Variants in TTN observed in about 807,000 individuals in gnomAD.
TTN encodes the protein titin.
A neutral mutation model predicts 3,223.0 loss-of-function variants in TTN; 1,525 were observed. That is an observed-to-expected ratio of 0.47 (90% confidence interval 0.45 to 0.49). The LOEUF (loss-of-function observed/expected upper bound fraction) is 0.49, where lower values mean the gene tolerates loss of function less well. Ranked by LOEUF, TTN falls within the 20% of genes least tolerant of loss-of-function variation. The probability of loss-of-function intolerance (pLI) is 0.00; values close to 1 mark genes in which losing one functional copy is unlikely to be tolerated. For missense variants in TTN, 40,786 were observed against 43,424.0 expected (o/e 0.94, Z 5.40); for synonymous variants, 14,094 against 15,161.0 (o/e 0.93, Z 5.17).
At chr2:178,670,162 T>C (rs1173486156) in intron 157 of TTN, 56 bp downstream of exon 157, 4 of 1,166,270 alleles carry the variant, frequency 3.4e-6, no homozygotes, top group South Asian at 2.2e-5. Context: ...CTCTCTTACA[T>C]AGTAAGTGAA....
intron 47 of TTN, chr2:178,751,541 A>C (rs2085508211): frequency 6.2e-7 from 1 of 1,613,374 alleles, no homozygotes; most frequent in Non-Finnish European, 8.5e-7. Context: ...TAAAGCCTCC[A>C]CATTTTCATG....
At chr2:178,783,524 C>T (rs1419989022) in intron 17 of TTN, among the ~76,000 whole-genome samples, 196 bp downstream of exon 17, 1 of 151,986 alleles carries the variant, frequency 6.6e-6, no homozygotes. Context: ...AATGATGTAC[C>T]ACATAGAATT....
At position 178,553,887 on chromosome 2, in the gene TTN, GA is replaced by G. The variant is rs754179105; in HGVS notation, c.89197+26del. 14 of 1,568,124 alleles carry G rather than the reference GA, an allele frequency of 8.9e-6. No homozygotes were observed. In the African/African-American group the frequency reaches 1.6e-4, roughly 18 times the overall value. On this transcript the variant is annotated intron_variant, in intron 333 of 362. Transcript: ENST00000589042. The stretch of plus-strand genomic sequence containing the variant: ...ACAGGTGAATATAGAAGACACAGGT[GA>G]AGATGCTGCAGGTATGAGCACTTAC...
Position 178,590,504 on chromosome 2 carries a change from T to C in TTN, c.61221A>G (p.Val20407=), listed in dbSNP as rs1408569277. The C allele has an allele frequency of 1.9e-6, 3 of 1,612,990 alleles. No individual in the cohort carries two copies. Among genetic ancestry groups the C allele is most frequent in the African/African-American group, 2.7e-5 (2 of 74,864 alleles). Residue 20407 remains valine (V), a synonymous_variant, in exon 304 of 363, where the codon GTA becomes GTG. Transcript: ENST00000589042. ...CTGTGCCAGGTTTCTGACATTCCAC[T>C]ACATATCCTAGAATGGGGCTACCAC... ...SDGGSPILGY[V]VECQKPGTAQ...
chr2:178,569,846 G>C lies in TTN; in HGVS notation c.76286C>G (p.Pro25429Arg). 6.2e-7 allele frequency: 1 copy of C among 1,613,354 alleles called. No individual in the cohort carries two copies. Among genetic ancestry groups the C allele is most frequent in the Non-Finnish European group, 8.5e-7 (1 of 1,179,596 alleles). ...AATTTCACAGCCACCATCATATATTGGTTTGCTCCAAGAAAGGAATACTGA... is the reference window on the plus strand; with the variant it reads ...AATTTCACAGCCACCATCATATATTCGTTTGCTCCAAGAAAGGAATACTGA... ...RSSVFLSWSK[P>R]IYDGGCEIQG... Residue 25429 changes from proline (P) to arginine (R), a missense_variant, in exon 326 of 363, where the codon CCA (proline) becomes CGA (arginine). Coordinates refer to ENST00000589042, the MANE Select transcript of TTN (RefSeq NM_001267550.2).
In TTN at chr2:178,756,809, A is replaced by C. The variant is rs761897237; in HGVS notation, c.10679-12T>G. The C allele has an allele frequency of 5.0e-6, 8 of 1,605,708 alleles. No individual in the cohort carries two copies. In the South Asian group the frequency reaches 9.0e-5, roughly 18 times the overall value. The stretch of plus-strand genomic sequence containing the variant: ...ATCTAGGGCTTGCACTGTATAATCA[A>C]GTGACAAGAAAAAGAAAAGAATATT... On this transcript the variant is annotated splice_polypyrimidine_tract_variant and intron_variant, in intron 45 of 362. Coordinates refer to ENST00000589042, the MANE Select transcript of TTN (RefSeq NM_001267550.2).
rs1707146929 is a variant in TTN, at chr2:178,569,073, C to T, written c.77059G>A (p.Ala25687Thr). 6.2e-7 allele frequency: 1 copy of T among 1,613,196 alleles called. No homozygotes were observed. The highest frequency in any genetic ancestry group is 1.1e-5 in the South Asian group (1 of 91,050). ...AENEYGIGLP[A>T]QTADPIKVAE... ...ACCTTAATTGGATCAGCAGTCTGGG[C>T]AGGAAGGCCAATACCATACTCATTC... Residue 25687 changes from alanine to threonine, a missense_variant, in exon 326 of 363, where the codon GCC becomes ACC. Coordinates refer to ENST00000589042, the MANE Select transcript of TTN (RefSeq NM_001267550.2).
chr2:178,600,624 G>T, intron 288 of TTN: 1 of 548,128 alleles, frequency 1.8e-6, no homozygotes. Flanking sequence ...TTACAGCGAG[G>T]AAATTACAGA....
chr2:178,604,440 C>G, intron 281 of TTN, 135 bp from the exon 282 acceptor site: 1 of 803,048 alleles, frequency 1.2e-6, no homozygotes, highest in South Asian at 3.4e-5. Context: ...CATGGGAAGA[C>G]AGAGAAAAGG....
At chr2:178,614,400 A>AT (rs924820538) in intron 261 of TTN, 52 bp from the exon 262 acceptor site, 13 of 1,575,972 alleles carry the variant, frequency 8.2e-6, no homozygotes, top group African/African-American at 4.2e-5. Context: ...CATTTTTTTT[A>AT]TTTTTTTCTT....
chr2:178,722,691 G>T lies in TTN; in HGVS notation c.22208C>A (p.Thr7403Asn), dbSNP rs2078617852. The change falls in exon 76 of 363, where the codon ACT becomes AAT. Residue 7403 changes from threonine (T) to asparagine (N), a missense_variant. By Grantham distance (65) the Thr-to-Asn change is moderately conservative (BLOSUM62 0). Coordinates refer to ENST00000589042, the MANE Select transcript of TTN (RefSeq NM_001267550.2). ...TCTGAACACAGTCTTAGAAGAAGCA[G>T]TTCCTATACTATTTTCTGCTTTGCA... ...YTCKAENSIG[T>N]ASSKTVFRIQ... is the part of the protein sequence containing the mutation. The T allele has an allele frequency of 6.2e-7, 1 of 1,612,894 alleles. No individual in the cohort carries two copies. Among genetic ancestry groups the T allele is most frequent in the African/African-American group, 1.3e-5 (1 of 74,892 alleles).
intron 6 of TTN, 159 bp downstream of exon 6, chr2:178,799,328 C>G: frequency 8.8e-7 from 1 of 1,130,390 alleles, no homozygotes; most frequent in South Asian, 1.5e-5. Flanking sequence ...CCACAACCTG[C>G]CCGTTTGTAT....
chr2:178,771,824 C>T (rs1335033663), intron 33 of TTN, among the ~76,000 whole-genome samples: 1 of 152,096 alleles, frequency 6.6e-6, no homozygotes, highest in African/African-American at 2.4e-5. Context: ...TCCTGGGAAT[C>T]TGATATTTTG....
In TTN at chr2:178,634,639, A is replaced by G; in HGVS notation, c.42152-10T>C. On this transcript the variant is annotated splice_polypyrimidine_tract_variant and intron_variant, in intron 229 of 362. Transcript: ENST00000589042. The surrounding 1 kb of genome is among the most constrained non-coding windows in gnomAD (Gnocchi z 4.6). ...AAGTCAAGTTCGATTTCTGAAAATC[A>G]GACATTAAGAATGAGGCTTTTCAGA... is the stretch of plus-strand genomic sequence containing the variant. 1 of 1,612,732 alleles carries G rather than the reference A, an allele frequency of 6.2e-7. No individual in the cohort carries two copies. Among genetic ancestry groups the G allele is most frequent in the Non-Finnish European group, 8.5e-7 (1 of 1,179,366 alleles).
At chr2:178,774,643 T>G in intron 29 of TTN, 170 bp from the exon 30 acceptor site, 2 of 711,264 alleles carry the variant, frequency 2.8e-6, no homozygotes, top group Non-Finnish European at 2.2e-6. Context: ...GAAGCAGTTA[T>G]TTTATTTTAA....
chr2:178,702,267 C>A (rs150296377), intron 107 of TTN, 22 bp from the exon 108 acceptor site: 2 of 1,613,774 alleles, frequency 1.2e-6, no homozygotes, highest in Admixed American at 3.3e-5. Flanking sequence ...AATCATCCAA[C>A]TTTTGTTTTC....
chr2:178,615,948 CATG>C (rs2057257921), intron 257 of TTN, among the ~76,000 whole-genome samples, 160 bp from the exon 258 acceptor site: 1 of 151,882 alleles, frequency 6.6e-6, no homozygotes, highest in African/African-American at 2.4e-5. Flanking sequence ...AAGTAGGATA[CATG>C]ATAATATTTG....
In TTN at chr2:178,678,664, A is replaced by G. The variant is rs951033168; in HGVS notation, c.33826+83T>C. The G allele has an allele frequency of 1.4e-5, 19 of 1,335,820 alleles. No individual in the cohort carries two copies. In the African/African-American group the frequency reaches 2.4e-4, roughly 17 times the overall value. 82.7% of individuals were successfully genotyped at this position (1,335,820 alleles called of 1,614,324 possible). A position where few individuals can be genotyped will look rare whatever the true frequency, so the allele number is the denominator to read the frequency against. ...AATTTTCTCTAAAGAGTTGCATCCC[A>G]AAGAGTACAGAATTAAACCAATTAA... On this transcript the variant is annotated intron_variant, in intron 143 of 362. Coordinates refer to ENST00000589042, the MANE Select transcript of TTN (RefSeq NM_001267550.2).
chr2:178,689,332 G>T lies in TTN; in HGVS notation c.31969C>A (p.Pro10657Thr). ...ACTTCTTCCTCCTTCCGAGGAACAG[G>T]TTTCCTTTCTTCAGGAACTTTCTTC... ...PKKKVPEERK[P>T]VPRKEEEVPP... Residue 10657 changes from proline (P) to threonine (T), a missense_variant, in exon 124 of 363, where the codon CCT becomes ACT. By Grantham distance (38) the Pro-to-Thr change is conservative (BLOSUM62 -1). Transcript: ENST00000589042. 1 of 1,613,738 alleles carries T rather than the reference G, an allele frequency of 6.2e-7. No individual in the cohort carries two copies. The highest frequency in any genetic ancestry group is 2.2e-5 in the East Asian group (1 of 44,870).
Sources: allele counts gnomAD v4.1 joint callset (sites outside exome capture counted in the v4.1 genomes callset), GRCh38; gene constraint gnomAD v4.1.1; non-coding constraint Gnocchi (gnomAD v3.1); transcripts MANE v1.5; gene names NCBI Gene and HGNC (gene_info 2026-07-23, HGNC 2026-07-21).